Variants in ELF4 observed in about 807,000 individuals in gnomAD.
The protein encoded by ELF4 is ETS-related transcription factor Elf-4.
In ELF4, 10 loss-of-function variants were observed where a neutral mutation model predicts 31.7. The ratio of observed to expected loss-of-function variants is 0.32; its 90% confidence interval spans 0.19 to 0.54. The LOEUF (loss-of-function observed/expected upper bound fraction) is 0.54. ELF4 is among the 20% of genes least tolerant of loss of function. The pLI, the probability that ELF4 is intolerant of heterozygous loss-of-function variation, is 0.95. For missense variants in ELF4, 418 were observed against 522.0 expected (o/e 0.80, Z 1.94); for synonymous variants, 208 against 226.7 (o/e 0.92, Z 0.74).
intron 1 of ELF4, among the ~76,000 whole-genome samples, chrX:130,109,979 G>C (rs919985032): frequency 8.9e-6 from 1 of 112,641 alleles, no homozygotes; most frequent in Non-Finnish European, 1.9e-5. Context: ...GCTCCGCCGC[G>C]GTCCGCCCCA....
intron 1 of ELF4, among the ~76,000 whole-genome samples, chrX:130,090,620 A>C (rs1260163061): frequency 9.1e-6 from 1 of 109,734 alleles, no homozygotes; most frequent in East Asian, 2.9e-4. Flanking sequence ...CACCTGGCAC[A>C]CTCTCTCCTC....
chrX:130,096,627 C>T (rs762401003), intron 1 of ELF4, among the ~76,000 whole-genome samples: 18 of 111,651 alleles, frequency 1.6e-4, no homozygotes, highest in African/African-American at 5.5e-4. Flanking sequence ...TCTAATAAAG[C>T]AGTTGTCTTT....
intron 1 of ELF4, among the ~76,000 whole-genome samples, chrX:130,102,866 G>GAA: frequency 1.5e-5 from 1 of 64,542 alleles, no homozygotes; most frequent in African/African-American, 7.4e-5. Context: ...GAGAGAGAGA[G>GAA]AGAGAGAGAG....
intron 1 of ELF4, among the ~76,000 whole-genome samples, chrX:130,102,937 AG>A (rs540884292): frequency 1.0e-5 from 1 of 96,380 alleles, no homozygotes; most frequent in Admixed American, 1.1e-4. Flanking sequence ...AGAAGGAGGG[AG>A]GGAGGAAGGA....
chrX:130,100,719 G>T (rs1933238405), intron 1 of ELF4, among the ~76,000 whole-genome samples: 1 of 111,556 alleles, frequency 9.0e-6, no homozygotes, highest in African/African-American at 3.3e-5. Flanking sequence ...TAATCCCACA[G>T]GGTCTTGAAT....
At chrX:130,100,692 T>C (rs1030322429) in intron 1 of ELF4, among the ~76,000 whole-genome samples, 2 of 111,559 alleles carry the variant, frequency 1.8e-5, no homozygotes, top group African/African-American at 6.5e-5. Flanking sequence ...ACCCTTAAAT[T>C]CTACCACAAG....
intron 1 of ELF4, among the ~76,000 whole-genome samples, chrX:130,098,100 G>A (rs757962603): frequency 1.3e-3 from 151 of 112,325 alleles, no homozygotes; most frequent in African/African-American, 4.5e-3. Context: ...CCGCAGCCTG[G>A]AGCCCCCCTG....
chrX:130,106,078 C>A (rs184648305), intron 1 of ELF4, among the ~76,000 whole-genome samples: 1 of 110,955 alleles, frequency 9.0e-6, no homozygotes, highest in African/African-American at 3.3e-5. Context: ...AAGGTCAGTT[C>A]GTGGCCAGGG....
intron 1 of ELF4, among the ~76,000 whole-genome samples, chrX:130,093,424 T>C (rs1319339044): frequency 8.9e-6 from 1 of 111,891 alleles, no homozygotes; most frequent in Non-Finnish European, 1.9e-5. Flanking sequence ...TTCTGGGTGA[T>C]GTAGCAGGAA....
chrX:130,091,563 C>T (rs894854198), intron 1 of ELF4, among the ~76,000 whole-genome samples: 1 of 112,619 alleles, frequency 8.9e-6, no homozygotes, highest in East Asian at 2.8e-4. Context: ...GCTGGGATTA[C>T]AGGCGTGAGC....
At chrX:130,108,748 C>A (rs189450607) in intron 1 of ELF4, among the ~76,000 whole-genome samples, 4,390 of 110,035 alleles carry the variant, frequency 0.04, 117 homozygotes, top group Admixed American at 0.095. Context: ...TGCAAACAAG[C>A]CACTCCTTCG....
chrX:130,104,319 C>CAA (rs1556228843), intron 1 of ELF4, among the ~76,000 whole-genome samples: 1 of 107,318 alleles, frequency 9.3e-6, no homozygotes, highest in Admixed American at 1.0e-4. Context: ...CACACACACA[C>CAA]CTTCTATTAC....
At chrX:130,085,166 G>GCTCC (rs1281603944) in intron 1 of ELF4, among the ~76,000 whole-genome samples, 1 of 112,028 alleles carries the variant, frequency 8.9e-6, no homozygotes, top group African/African-American at 3.2e-5. Flanking sequence ...GGTGGCAAGA[G>GCTCC]CTCCACTCCC....
At chrX:130,083,349 G>A (rs1435434010) in intron 1 of ELF4, among the ~76,000 whole-genome samples, 1 of 104,060 alleles carries the variant, frequency 9.6e-6, no homozygotes, top group Non-Finnish European at 2.0e-5. Flanking sequence ...TGCTTGGAAG[G>A]TCTGTCCCCC....
At chrX:130,078,629 C>T (rs185378959) in intron 2 of ELF4, among the ~76,000 whole-genome samples, 16 of 110,825 alleles carry the variant, frequency 1.4e-4, no homozygotes, top group East Asian at 5.7e-4. Flanking sequence ...TGGTGATGCA[C>T]GCCTGTAATC....
chrX:130,106,200 T>G (rs1021554560), intron 1 of ELF4, among the ~76,000 whole-genome samples: 10 of 106,634 alleles, frequency 9.4e-5, no homozygotes, highest in African/African-American at 3.4e-4. Flanking sequence ...CACAAAGCCT[T>G]CCCTCCCTCC....
chrX:130,108,305 A>C (rs1933410255), intron 1 of ELF4, among the ~76,000 whole-genome samples: 1 of 111,203 alleles, frequency 9.0e-6, no homozygotes, highest in Admixed American at 9.7e-5. Flanking sequence ...TGAGACCCTG[A>C]ATTAAAAAAC....
intron 1 of ELF4, among the ~76,000 whole-genome samples, chrX:130,100,253 G>C (rs955420290): frequency 8.9e-6 from 1 of 112,025 alleles, no homozygotes; most frequent in African/African-American, 3.2e-5. Flanking sequence ...TCTTGGCCCA[G>C]CCTCTGCCTA....
chrX:130,085,411 T>G (rs910881332), intron 1 of ELF4, among the ~76,000 whole-genome samples: 4 of 111,853 alleles, frequency 3.6e-5, no homozygotes, highest in African/African-American at 1.3e-4. Context: ...GCTGCTCCTG[T>G]GTCACAACTC....
Sources: gnomAD v4.1 joint callset for allele counts (sites outside exome capture counted in the v4.1 genomes callset) on GRCh38, gnomAD v4.1.1 for gene constraint, MANE v1.5 for transcripts, NCBI Gene and HGNC (gene_info 2026-07-23, HGNC 2026-07-21) for gene names.